Variants in SERINC2 observed in about 807,000 individuals in gnomAD.
SERINC2 encodes the protein serine incorporator 2.
Under a neutral mutation model 54.2 loss-of-function variants are expected in SERINC2, and 56 were observed. The observed-to-expected ratio is 1.03, with a 90% CI of 0.83 to 1.29. SERINC2 has a LOEUF of 1.29. SERINC2 is among the 50% of genes most tolerant of loss of function. The probability of loss-of-function intolerance (pLI) is 0.00; values close to 1 mark genes in which losing one functional copy is unlikely to be tolerated. For missense variants in SERINC2, 614 were observed against 607.4 expected, an observed-to-expected ratio of 1.01 and a Z score of -0.12; for synonymous variants, 272 against 253.1, an observed-to-expected ratio of 1.07 and a Z score of -0.71.
chr1:31,428,657 C>T (rs932727714), intron 6 of SERINC2, among the ~76,000 whole-genome samples: 20 of 152,174 alleles, frequency 1.3e-4, no homozygotes, highest in African/African-American at 4.8e-4. Flanking sequence ...AGAGGCTGGG[C>T]AGACTCTCCA....
chr1:31,425,351 G>A lies in SERINC2; in HGVS notation c.414G>A (p.Leu138=). Residue 138 remains leucine, a synonymous_variant, in exon 4 of 10, where the codon CTG becomes CTA. Coordinates refer to ENST00000373709, the MANE Select transcript of SERINC2 (RefSeq NM_178865.5). ...GTAGGTTTTGGTTCTTTAAGTTCCT[G>A]ATCCTGGTGGGCCTCACCGTGGGTG... ...IQNGFWFFKF[L]ILVGLTVGAF... The A allele has an allele frequency of 6.2e-7, 1 of 1,613,182 alleles. No individual in the cohort carries two copies.
intron 9 of SERINC2, 130 bp downstream of exon 9, chr1:31,433,315 A>G: frequency 2.7e-6 from 2 of 737,536 alleles, no homozygotes; most frequent in South Asian, 1.7e-5. Flanking sequence ...TGTATCAAGG[A>G]CCCTCCATAG....
intron 8 of SERINC2, among the ~76,000 whole-genome samples, chr1:31,432,557 T>G (rs551510474): frequency 1.3e-5 from 2 of 152,174 alleles, no homozygotes; most frequent in Non-Finnish European, 2.9e-5. Context: ...ATGTAGTACC[T>G]GGTATGGTAC....
chr1:31,424,965 C>A, intron 3 of SERINC2, 92 bp downstream of exon 3: 8 of 1,060,964 alleles, frequency 7.5e-6, no homozygotes, highest in Non-Finnish European at 1.1e-5. Context: ...ACCCTACCCA[C>A]CACTCAGGAG....
chr1:31,425,374 G>T lies in SERINC2; in HGVS notation c.437G>T (p.Gly146Val). 1 of 1,613,550 alleles carries T rather than the reference G, an allele frequency of 6.2e-7. No individual in the cohort carries two copies. The highest frequency in any genetic ancestry group is 8.5e-7 in the Non-Finnish European group (1 of 1,179,468). Residue 146 changes from glycine to valine, a missense_variant, in exon 4 of 10, where the codon GGT becomes GTT. Transcript: ENST00000373709. ...KFLILVGLTV[G>V]AFYIPDGSFT... ...CTGATCCTGGTGGGCCTCACCGTGG[G>T]TGCCTTCTACATTCCTGACGGCTCC...
At chr1:31,432,044 TGGACAGGG>T (rs1641267825) in intron 8 of SERINC2, among the ~76,000 whole-genome samples, 1 of 130,878 alleles carries the variant, frequency 7.6e-6, no homozygotes, top group African/African-American at 3.2e-5. Flanking sequence ...GTGGACAGGG[TGGACAGGG>T]TGGACAGGGT....
intron 6 of SERINC2, 140 bp downstream of exon 6, chr1:31,426,963 AG>A: frequency 1.4e-6 from 1 of 736,126 alleles, no homozygotes; most frequent in Non-Finnish European, 2.2e-6. Context: ...CAGCCTCCCC[AG>A]GTTATAGTCA....
At chr1:31,432,143 TGG>T (rs1641298487) in intron 8 of SERINC2, among the ~76,000 whole-genome samples, 1 of 139,106 alleles carries the variant, frequency 7.2e-6, no homozygotes, top group Admixed American at 7.1e-5. Flanking sequence ...GTGGACAGGG[TGG>T]ACAGGGTGGA....
intron 1 of SERINC2, among the ~76,000 whole-genome samples, chr1:31,416,555 G>A (rs1227323416): frequency 6.6e-6 from 1 of 152,210 alleles, no homozygotes; most frequent in Non-Finnish European, 1.5e-5. Context: ...CTAGCCCTGG[G>A]GCGGCTCAGC....
intron 9 of SERINC2, 152 bp from the exon 10 acceptor site, chr1:31,433,912 G>A (rs1394454402): frequency 1.3e-6 from 1 of 765,114 alleles, no homozygotes; most frequent in Non-Finnish European, 2.2e-6. Flanking sequence ...ACGGTCACAA[G>A]GCCGGGTGTT....
chr1:31,416,877 G>C (rs1640793665), intron 1 of SERINC2, among the ~76,000 whole-genome samples: 1 of 151,986 alleles, frequency 6.6e-6, no homozygotes, highest in Non-Finnish European at 1.5e-5. Context: ...GCGCCACCAT[G>C]CCTGGCTAAT....
chr1:31,432,156 C>CAGGGTGGATAGGGTGGTT, intron 8 of SERINC2, among the ~76,000 whole-genome samples: 1 of 4,560 alleles, frequency 2.2e-4, no homozygotes, highest in East Asian at 6.7e-3. Context: ...ACAGGGTGGA[C>CAGGGTGGATAGGGTGGTT]AGGGTGGATA....
At chr1:31,421,025 TC>T (rs1454770923) in intron 1 of SERINC2, among the ~76,000 whole-genome samples, 1 of 152,140 alleles carries the variant, frequency 6.6e-6, no homozygotes, top group African/African-American at 2.4e-5. Flanking sequence ...TGGACTAGTA[TC>T]TATCCATGGC....
At chr1:31,417,070 C>T (rs2148512748) in intron 1 of SERINC2, among the ~76,000 whole-genome samples, 1 of 152,266 alleles carries the variant, frequency 6.6e-6, no homozygotes, top group South Asian at 2.1e-4. Context: ...CTAATAAATA[C>T]AACCCTAATA....
intron 6 of SERINC2, among the ~76,000 whole-genome samples, chr1:31,427,661 C>T (rs905157615): frequency 2.7e-4 from 41 of 151,948 alleles, no homozygotes; most frequent in Non-Finnish European, 5.1e-4. Context: ...TTAGTGGCCT[C>T]GGACATGTTA....
intron 1 of SERINC2, among the ~76,000 whole-genome samples, chr1:31,415,301 AC>A (rs1441883123): frequency 2.0e-5 from 3 of 152,118 alleles, no homozygotes; most frequent in African/African-American, 7.2e-5. Flanking sequence ...TCAGCAAGGG[AC>A]CCGGCCCTCC....
In SERINC2 at chr1:31,413,383, G is replaced by A; in HGVS notation, c.39+79G>A. 3.7e-6 allele frequency: 3 copies of A among 805,460 alleles called. No homozygotes were observed. The highest frequency in any genetic ancestry group is 3.3e-6 in the Non-Finnish European group (2 of 598,992). 49.9% of individuals were successfully genotyped at this position (805,460 alleles called of 1,614,324 possible). A position where few individuals can be genotyped will look rare whatever the true frequency, so the allele number is the denominator to read the frequency against. On this transcript the variant is annotated intron_variant, in intron 1 of 9. Transcript: ENST00000373709. The surrounding 1 kb of genome is among the most constrained non-coding windows in gnomAD (Gnocchi z 5.0). ...CCCTCACTTTCTTCTGTTCTGCTCCGAGTAGTTTCTTCTTTTTCCTTCCTG... is the reference window on the plus strand; with the variant it reads ...CCCTCACTTTCTTCTGTTCTGCTCCAAGTAGTTTCTTCTTTTTCCTTCCTG...
upstream of SERINC2, chr1:31,409,825 C>A: frequency 6.4e-7 from 1 of 1,555,712 alleles, no homozygotes; most frequent in Non-Finnish European, 8.7e-7. Context: ...AGCCGGCACA[C>A]ATCTGAGTCC....
At chr1:31,432,789 C>T (rs1349481026) in intron 8 of SERINC2, among the ~76,000 whole-genome samples, 178 bp from the exon 9 acceptor site, 2 of 152,114 alleles carry the variant, frequency 1.3e-5, no homozygotes, top group African/African-American at 4.8e-5. Flanking sequence ...GTGTTTTGCT[C>T]AAGGTCACAC....
Sources: allele counts gnomAD v4.1 joint callset (sites outside exome capture counted in the v4.1 genomes callset), GRCh38; gene constraint gnomAD v4.1.1; non-coding constraint Gnocchi (gnomAD v3.1); transcripts MANE v1.5; gene names NCBI Gene and HGNC (gene_info 2026-07-23, HGNC 2026-07-21).